The following GALNT3 variants were observed in gnomAD, a reference collection of about 807,000 sequenced individuals.
GALNT3 encodes polypeptide N-acetylgalactosaminyltransferase 3, also known as GalNAc transferase 3.
GALNT3 carries 51 observed loss-of-function variants against 69.8 expected under a neutral mutation model. That is an observed-to-expected ratio of 0.73 (90% CI 0.58 to 0.92). The LOEUF is 0.92. Ranked by LOEUF, GALNT3 falls within the 40% of genes least tolerant of loss-of-function variation. GALNT3 has a pLI of 0.00. For missense variants in GALNT3, 711 were observed against 760.0 expected, an observed-to-expected ratio of 0.94 and a Z score of 0.76; for synonymous variants, 265 against 248.5, an observed-to-expected ratio of 1.07 and a Z score of -0.63.
At chr2:165,780,238 G>C (rs1683073996) in intron 1 of GALNT3, among the ~76,000 whole-genome samples, 2 of 152,038 alleles carry the variant, frequency 1.3e-5, no homozygotes, top group African/African-American at 4.8e-5. Flanking sequence ...TTGTCCACTT[G>C]ATTATTAAGA....
At chr2:165,765,228 T>A (rs1000369696) in intron 2 of GALNT3, among the ~76,000 whole-genome samples, 172 bp from the exon 3 acceptor site, 1 of 152,198 alleles carries the variant, frequency 6.6e-6, no homozygotes, top group Non-Finnish European at 1.5e-5. Flanking sequence ...CAAAACAATT[T>A]TTTTACAAGC....
At chr2:165,778,162 G>T (rs1559005107) in intron 1 of GALNT3, among the ~76,000 whole-genome samples, 1 of 149,700 alleles carries the variant, frequency 6.7e-6, no homozygotes, top group Non-Finnish European at 1.5e-5. Flanking sequence ...AAACTCAGGG[G>T]CTCACATGCT....
chr2:165,788,102 G>A (rs892194111), intron 1 of GALNT3, among the ~76,000 whole-genome samples: 2 of 152,032 alleles, frequency 1.3e-5, no homozygotes, highest in South Asian at 2.1e-4. Context: ...GCCGAGGCGG[G>A]AGATTCACAA....
At chr2:165,761,883 A>T (rs770813966) in intron 4 of GALNT3, 22 bp downstream of exon 4, 1 of 1,613,088 alleles carries the variant, frequency 6.2e-7, no homozygotes. Context: ...TGTTACAACC[A>T]TATCCATACA....
chr2:165,748,973 T>G (rs984395095), intron 10 of GALNT3, 70 bp from the exon 11 acceptor site: 1 of 1,483,034 alleles, frequency 6.7e-7, no homozygotes, highest in Non-Finnish European at 9.3e-7. Flanking sequence ...TGAAAAAGAT[T>G]TTATGGTTTC....
chr2:165,754,821 A>G, intron 8 of GALNT3, 93 bp from the exon 9 acceptor site: 5 of 1,385,486 alleles, frequency 3.6e-6, no homozygotes, highest in Non-Finnish European at 5.0e-6. Flanking sequence ...AATGATTATA[A>G]TGTAAAATCT....
In GALNT3 at chr2:165,770,204, G is replaced by C. The variant is rs1321404956; in HGVS notation, c.497C>G (p.Pro166Arg). The change falls in exon 2 of 11, where the codon CCA (proline) becomes CGA (arginine). Residue 166 changes from proline (P) to arginine (R), a missense_variant. Physicochemically the swap from Pro to Arg is moderately radical, Grantham distance 103. Transcript: ENST00000392701. ...AACATACTCAGGAGGTCGAGTGTCT[G>C]GTCCAAGATCTCGGTGCAAAGAAAT... is the stretch of plus-strand genomic sequence containing the variant. The part of the protein sequence containing the change: ...DRISLHRDLG[P>R]DTRPPECIEQ... The C allele has an allele frequency of 6.2e-7, 1 of 1,614,054 alleles. No homozygotes were observed. The highest frequency in any genetic ancestry group is 8.5e-7 in the Non-Finnish European group (1 of 1,180,010).
chr2:165,776,353 GC>G, intron 1 of GALNT3, among the ~76,000 whole-genome samples: 1 of 152,130 alleles, frequency 6.6e-6, no homozygotes, highest in East Asian at 1.9e-4. Flanking sequence ...CAGCACAACA[GC>G]AAACTCAGGA....
Position 165,754,617 on chromosome 2 carries a change from C to CACTTTT in GALNT3, c.1626+9_1626+10insAAAAGT, listed in dbSNP as rs1688412644. 6.3e-7 allele frequency: 1 copy of CACTTTT among 1,582,160 alleles called. No individual in the cohort carries two copies. The highest frequency in any genetic ancestry group is 1.3e-5 in the African/African-American group (1 of 74,196). On this transcript the variant is annotated intron_variant, in intron 9 of 10. Transcript: ENST00000392701. ...CTTTACAAGTGAAGGATTTTTAATG[C>CACTTTT]AGTGCTCACCTGGTTTCCCCCAAGT... is the stretch of plus-strand genomic sequence containing the variant.
intron 2 of GALNT3, among the ~76,000 whole-genome samples, chr2:165,767,431 C>A (rs1332288228): frequency 6.6e-6 from 1 of 151,986 alleles, no homozygotes; most frequent in African/African-American, 2.4e-5. Context: ...TATAAAATTT[C>A]ACAAAAATTC....
chr2:165,779,131 G>A (rs1274462893), intron 1 of GALNT3, among the ~76,000 whole-genome samples: 1 of 152,154 alleles, frequency 6.6e-6, no homozygotes, highest in African/African-American at 2.4e-5. Flanking sequence ...AAATCATACT[G>A]GGGAGTGAGC....
chr2:165,786,076 A>G (rs1683213624), intron 1 of GALNT3, among the ~76,000 whole-genome samples: 1 of 148,638 alleles, frequency 6.7e-6, no homozygotes, highest in South Asian at 2.1e-4. Flanking sequence ...GCAAACAAAC[A>G]ATGTGAGAAT....
intron 2 of GALNT3, among the ~76,000 whole-genome samples, chr2:165,768,792 C>CTT (rs71028502): frequency 7.9e-6 from 1 of 126,260 alleles, no homozygotes; most frequent in African/African-American, 2.9e-5. Context: ...ATCTTGTACT[C>CTT]TTTTTTTTTT....
At chr2:165,752,539 T>G (rs1254814008) in intron 9 of GALNT3, among the ~76,000 whole-genome samples, 1 of 152,146 alleles carries the variant, frequency 6.6e-6, no homozygotes, top group Non-Finnish European at 1.5e-5. Flanking sequence ...ATCCCCCAAT[T>G]TCTAAAAGAT....
In GALNT3 at chr2:165,755,200, T is replaced by C; in HGVS notation, c.1393-137A>G. 3 of 808,626 alleles carry C rather than the reference T, an allele frequency of 3.7e-6. No homozygotes were observed. The South Asian group carries it at 4.6e-5, about 12-fold the overall frequency. The allele number at this position is 808,626 out of a possible 1,614,324, so 50.1% of individuals were successfully genotyped here. On this transcript the variant is annotated intron_variant, in intron 7 of 10. Coordinates refer to ENST00000392701, the MANE Select transcript of GALNT3 (RefSeq NM_004482.4). ...AAATTCAAGAGGCAATTCAACAGCCTTCATCATTCATTCAAGTAAAAACCA... is the reference window on the plus strand; with the variant it reads ...AAATTCAAGAGGCAATTCAACAGCCCTCATCATTCATTCAAGTAAAAACCA...
chr2:165,786,246 C>T (rs1475502249), intron 1 of GALNT3, among the ~76,000 whole-genome samples: 2 of 152,128 alleles, frequency 1.3e-5, no homozygotes, highest in Non-Finnish European at 2.9e-5. Flanking sequence ...CTAGAAGAAA[C>T]ATTTAAATAA....
intron 4 of GALNT3, 160 bp downstream of exon 4, chr2:165,761,745 G>T: frequency 2.6e-6 from 2 of 782,084 alleles, no homozygotes; most frequent in Non-Finnish European, 4.6e-6. Flanking sequence ...TCTCCACAGA[G>T]CTGTTACCTG....
intron 4 of GALNT3, among the ~76,000 whole-genome samples, chr2:165,761,515 T>G (rs1264162145): frequency 9.9e-5 from 15 of 151,894 alleles, no homozygotes; most frequent in Non-Finnish European, 1.5e-4. Context: ...CCCGGCTACA[T>G]TTAAATAGTA....
chr2:165,760,039 C>G (rs1397782256), intron 4 of GALNT3, among the ~76,000 whole-genome samples: 1 of 152,046 alleles, frequency 6.6e-6, no homozygotes, highest in Non-Finnish European at 1.5e-5. Flanking sequence ...GAAAAATTCC[C>G]CTACAGATGA....
Sources: allele counts gnomAD v4.1 joint callset (sites outside exome capture counted in the v4.1 genomes callset), GRCh38; gene constraint gnomAD v4.1.1; transcripts MANE v1.5; gene names NCBI Gene and HGNC (gene_info 2026-07-23, HGNC 2026-07-21).